Variants in NCOA7 observed in about 807,000 individuals in gnomAD.
NCOA7 encodes the protein nuclear receptor coactivator 7.
Under a neutral mutation model 104.3 loss-of-function variants are expected in NCOA7, and 45 were observed. That is an observed-to-expected ratio of 0.43 (90% CI 0.34 to 0.55). The LOEUF is 0.55. Ranked by LOEUF, NCOA7 falls within the 20% of genes least tolerant of loss-of-function variation. The pLI is 0.02. For synonymous variants in NCOA7, 398 were observed against 402.3 expected, an observed-to-expected ratio of 0.99 and a Z score of 0.13; for missense variants, 1,041 against 1,119.7, an observed-to-expected ratio of 0.93 and a Z score of 1.00.
At chr6:125,921,099 G>A in intron 12 of NCOA7, 31 bp downstream of exon 12, 3 of 1,603,218 alleles carry the variant, frequency 1.9e-6, no homozygotes, top group Middle Eastern at 3.4e-4. Flanking sequence ...AAGGGTGGGG[G>A]TTCCTAGGCT....
intron 10 of NCOA7, among the ~76,000 whole-genome samples, chr6:125,902,388 C>T (rs1487447908): frequency 1.3e-5 from 2 of 152,172 alleles, no homozygotes; most frequent in East Asian, 1.9e-4. Context: ...GGAACTTTCC[C>T]AAAACCTCCA....
At chr6:125,890,276 T>C (rs764033474) in intron 9 of NCOA7, among the ~76,000 whole-genome samples, 26 of 152,264 alleles carry the variant, frequency 1.7e-4, no homozygotes, top group Non-Finnish European at 3.4e-4. Flanking sequence ...GAGTTTAAAC[T>C]GTTTTTGAAG....
chr6:125,885,398 A>G lies in NCOA7; in HGVS notation c.884+55A>G, dbSNP rs1784174010. On this transcript the variant is annotated intron_variant, in intron 8 of 15. Coordinates refer to ENST00000392477, the MANE Select transcript of NCOA7 (RefSeq NM_181782.5). ...AAGGGGTGTTGAGAGAGCTAAATGT[A>G]GCTTAAAAATGAGGGCATTTGCATG... The G allele has an allele frequency of 1.0e-5, 16 of 1,567,684 alleles. No homozygotes were observed. In the South Asian group the frequency reaches 1.8e-4, roughly 18 times the overall value.
At chr6:125,886,002 T>A (rs944349635) in intron 8 of NCOA7, among the ~76,000 whole-genome samples, 1 of 152,168 alleles carries the variant, frequency 6.6e-6, no homozygotes, top group Non-Finnish European at 1.5e-5. Flanking sequence ...GGAAATTGAT[T>A]AACTGATACA....
At chr6:125,829,247 T>A (rs1402649796) in intron 2 of NCOA7, among the ~76,000 whole-genome samples, 1 of 152,218 alleles carries the variant, frequency 6.6e-6, no homozygotes, top group Non-Finnish European at 1.5e-5. Flanking sequence ...TTTGAGCTCC[T>A]GTTTCAATTT....
At chr6:125,842,942 T>C (rs1780299064) in intron 2 of NCOA7, among the ~76,000 whole-genome samples, 1 of 152,198 alleles carries the variant, frequency 6.6e-6, no homozygotes, top group Non-Finnish European at 1.5e-5. Context: ...GCCATAGTAA[T>C]GATTTAGACA....
At chr6:125,824,348 T>C (rs1778467248) in intron 2 of NCOA7, among the ~76,000 whole-genome samples, 1 of 152,208 alleles carries the variant, frequency 6.6e-6, no homozygotes, top group African/African-American at 2.4e-5. Context: ...AGACTTTTGC[T>C]TTTGGACCTC....
rs1315028612 is a variant in NCOA7 at position 125,930,141 on chromosome 6, C to G, written c.*1370C>G. 6.6e-6 allele frequency: 1 copy of G among 152,198 alleles called. No homozygotes were observed. Among genetic ancestry groups the G allele is most frequent in the East Asian group, 1.9e-4 (1 of 5,194 alleles). The allele number at this position is 152,198 out of a possible 1,614,324, so 9.4% of individuals were successfully genotyped here. ...GGGAGGCCGAGGCAGGTGGATCACT[C>G]AAGGTCACAAGTTTGAGACCAGTCT... On this transcript the variant is annotated 3_prime_UTR_variant, in exon 16 of 16. Transcript: ENST00000392477.
intron 8 of NCOA7, 94 bp from the exon 9 acceptor site, chr6:125,888,845 G>T: frequency 4.6e-6 from 4 of 860,482 alleles, no homozygotes; most frequent in South Asian, 4.6e-5. Context: ...TTGGTTTTTG[G>T]TTGAGTTTCT....
At chr6:125,922,530 G>A in intron 12 of NCOA7, 152 bp from the exon 13 acceptor site, 2 of 904,418 alleles carry the variant, frequency 2.2e-6, no homozygotes, top group Non-Finnish European at 3.3e-6. Flanking sequence ...CATTTTCTTG[G>A]TTTAGAATAG....
intron 2 of NCOA7, among the ~76,000 whole-genome samples, chr6:125,838,752 G>C (rs1779848951): frequency 6.6e-6 from 1 of 152,132 alleles, no homozygotes; most frequent in Admixed American, 6.6e-5. Flanking sequence ...TGTCCACCTT[G>C]ACTGCAAATT....
At chr6:125,909,960 G>C (rs1412025337) in intron 10 of NCOA7, among the ~76,000 whole-genome samples, 1 of 152,186 alleles carries the variant, frequency 6.6e-6, no homozygotes, top group Non-Finnish European at 1.5e-5. Flanking sequence ...CTATCTAGAA[G>C]GAAGGAAGAC....
At chr6:125,927,894 T>C in intron 14 of NCOA7, 136 bp downstream of exon 14, 1 of 774,970 alleles carries the variant, frequency 1.3e-6, no homozygotes, top group South Asian at 1.6e-5. Context: ...CCTTTATGAC[T>C]GTAGCTCGCA....
chr6:125,885,303 A>G lies in NCOA7; in HGVS notation c.844A>G (p.Asn282Asp). The G allele has an allele frequency of 6.2e-7, 1 of 1,613,910 alleles. No homozygotes were observed. The highest frequency in any genetic ancestry group is 8.5e-7 in the Non-Finnish European group (1 of 1,179,860). ...AGAGGTTGTTTCCATTGCGCTCTAC[A>G]ATGACATTTCTCACATGAAGATCAA... ...MEEVVSIALY[N>D]DISHMKIKDA... is the part of the protein sequence containing the mutation. Residue 282 changes from asparagine to aspartate, a missense_variant, in exon 8 of 16, where the codon AAT becomes GAT. Asn to Asp is a conservative substitution (Grantham distance 23, BLOSUM62 1). Transcript: ENST00000392477.
chr6:125,867,692 A>G (rs1268460573), intron 3 of NCOA7, among the ~76,000 whole-genome samples: 1 of 152,218 alleles, frequency 6.6e-6, no homozygotes, highest in African/African-American at 2.4e-5. Context: ...TTAGCCTCAC[A>G]TTAGGTTCGC....
chr6:125,806,890 A>T (rs1215269545), intron 1 of NCOA7, among the ~76,000 whole-genome samples: 3 of 152,218 alleles, frequency 2.0e-5, no homozygotes, highest in African/African-American at 7.2e-5. Flanking sequence ...TATGAATTTC[A>T]TCTCAATATT....
chr6:125,855,538 T>G (rs1216208898), intron 3 of NCOA7: 1 of 202,438 alleles, frequency 4.9e-6, no homozygotes, highest in Non-Finnish European at 9.9e-6. Context: ...TCTTAATGTA[T>G]GTAGACATAT....
At chr6:125,882,834 A>G (rs548634050) in intron 7 of NCOA7, among the ~76,000 whole-genome samples, 5 of 152,312 alleles carry the variant, frequency 3.3e-5, no homozygotes, top group East Asian at 1.9e-4. Flanking sequence ...TACTGTACAT[A>G]TAACAGCAAA....
At chr6:125,816,831 G>C (rs1001795706) in intron 2 of NCOA7, among the ~76,000 whole-genome samples, 4 of 152,108 alleles carry the variant, frequency 2.6e-5, no homozygotes, top group African/African-American at 9.7e-5. Context: ...GTTCCATGCA[G>C]TTATATCACA....
Sources: gnomAD v4.1 joint callset for allele counts (sites outside exome capture counted in the v4.1 genomes callset) on GRCh38, gnomAD v4.1.1 for gene constraint, MANE v1.5 for transcripts, NCBI Gene and HGNC (gene_info 2026-07-23, HGNC 2026-07-21) for gene names.